NIPAL2: variants seen among roughly 807,000 people sequenced by gnomAD.
The protein encoded by NIPAL2 is NIPA-like protein 2.
Under a neutral mutation model 48.9 loss-of-function variants are expected in NIPAL2, and 43 were observed. The observed-to-expected ratio is 0.88, with a 90% CI of 0.69 to 1.13. The LOEUF is 1.13. NIPAL2 is among the 50% of genes most tolerant of loss of function. The probability of loss-of-function intolerance (pLI) is 0.00; values close to 1 mark genes in which losing one functional copy is unlikely to be tolerated. For synonymous variants in NIPAL2, 167 were observed against 174.6 expected (o/e 0.96, Z 0.34); for missense variants, 446 against 461.4 (o/e 0.97, Z 0.31).
intron 1 of NIPAL2, among the ~76,000 whole-genome samples, chr8:98,261,541 A>C (rs1359195655): frequency 7.3e-6 from 1 of 136,698 alleles, no homozygotes; most frequent in Non-Finnish European, 1.6e-5. Flanking sequence ...ATGGAAGATG[A>C]AATGAATGAA....
chr8:98,206,091 GC>G (rs1276742800), intron 6 of NIPAL2, among the ~76,000 whole-genome samples: 1 of 152,122 alleles, frequency 6.6e-6, no homozygotes, highest in Non-Finnish European at 1.5e-5. Flanking sequence ...AGAAAAGAAT[GC>G]TTTCTGTCTT....
intron 3 of NIPAL2, among the ~76,000 whole-genome samples, chr8:98,240,825 C>T (rs998197350): frequency 5.9e-5 from 9 of 152,176 alleles, no homozygotes; most frequent in Admixed American, 1.3e-4. Flanking sequence ...ACAATACTGC[C>T]TAGGTGGCCG....
Position 98,274,419 on chromosome 8 carries a change from C to A in NIPAL2, c.135+19584G>T, listed in dbSNP as rs114645418. ...TATTAAAAATCTACCACAAATATGG[C>A]TTTAGACTTTTTTTCCTTTTAAATC... On this transcript the variant is annotated intron_variant, in intron 1 of 10. Transcript: ENST00000430223. Among the ~76,000 whole-genome samples the A allele has an allele frequency of 3.2e-3, 489 of 152,012 alleles. 1 individual carries two copies. Among genetic ancestry groups the A allele is most frequent in the African/African-American group, 0.011 (456 of 41,540 alleles).
rs752021685 is a variant in NIPAL2 at position 98,252,552 on chromosome 8, A to G, written c.287T>C (p.Leu96Pro). The change falls in exon 3 of 11, where the codon CTG (leucine) becomes CCG (proline). Residue 96 changes from leucine to proline, a missense_variant. Leu to Pro is a moderately conservative substitution (Grantham distance 98). Coordinates refer to ENST00000430223, the MANE Select transcript of NIPAL2 (RefSeq NM_001321635.2). Reference sequence around the variant, plus strand: ...GTTCCCCGTCTCTCCCACGGCCATCAGCAGGACACCACCCCACCACAGCAC... The same window carrying G: ...GTTCCCCGTCTCTCCCACGGCCATCGGCAGGACACCACCCCACCACAGCAC... ...KSVLWWGGVLLMAVGETGNFA... is the reference protein window; with the variant it reads ...KSVLWWGGVLPMAVGETGNFA... The G allele has an allele frequency of 1.6e-5, 26 of 1,614,122 alleles. No homozygotes were observed. The highest frequency in any genetic ancestry group is 2.1e-5 in the Non-Finnish European group (25 of 1,180,020).
chr8:98,247,395 A>T (rs923360719), intron 3 of NIPAL2, among the ~76,000 whole-genome samples: 1 of 152,190 alleles, frequency 6.6e-6, no homozygotes, highest in Admixed American at 6.5e-5. Flanking sequence ...GAGGAAGGAC[A>T]TGAAACAGGT....
chr8:98,259,070 CT>C (rs869220202), intron 1 of NIPAL2, among the ~76,000 whole-genome samples: 55 of 41,870 alleles, frequency 1.3e-3, no homozygotes, highest in East Asian at 4.3e-3. Context: ...TTAAATATTC[CT>C]TTTTTTTTTT....
chr8:98,253,901 T>G (rs953933816), intron 2 of NIPAL2, 118 bp downstream of exon 2: 2 of 593,630 alleles, frequency 3.4e-6, no homozygotes, highest in Non-Finnish European at 5.8e-6. Flanking sequence ...AAAATATATA[T>G]TTTTTATAAT....
At chr8:98,259,161 C>T (rs1329523760) in intron 1 of NIPAL2, among the ~76,000 whole-genome samples, 2 of 140,420 alleles carry the variant, frequency 1.4e-5, no homozygotes, top group African/African-American at 5.3e-5. Context: ...ACTGCAAGCT[C>T]CGCCTCCCGG....
rs572427127 is a variant in NIPAL2, at chr8:98,286,511, C to T, written c.135+7492G>A. Among the ~76,000 whole-genome samples the T allele has an allele frequency of 1.3e-4, 20 of 152,166 alleles. No individual in the cohort carries two copies. The South Asian group carries it at 2.5e-3, about 19-fold the overall frequency. ...ACCTCCTGATATGTGCCAAAGATGG[C>T]AAGATACCTTGTTGAGGCTAGGCAT... On this transcript the variant is annotated intron_variant, in intron 1 of 10. Transcript: ENST00000430223.
chr8:98,291,120 A>T (rs964300092), intron 1 of NIPAL2, among the ~76,000 whole-genome samples: 1 of 152,114 alleles, frequency 6.6e-6, no homozygotes. Context: ...AAAATCTTCA[A>T]TGGCTCCCCA....
chr8:98,222,500 T>A lies in NIPAL2; in HGVS notation c.537A>T (p.Gly179=), dbSNP rs1406104962. ...TTACCACATAGATCAGGAACTGCCA[T>A]CCGACAAGGTAATACTGTACTGTTC... is the stretch of plus-strand genomic sequence containing the variant. ...SARTVQYYLV[G]WQFLIYVILE... Residue 179 remains glycine (G), a synonymous_variant, in exon 5 of 11, where the codon GGA becomes GGT. Transcript: ENST00000430223. 3 of 1,613,480 alleles carry A rather than the reference T, an allele frequency of 1.9e-6. No individual in the cohort carries two copies. Among genetic ancestry groups the A allele is most frequent in the African/African-American group, 2.7e-5 (2 of 74,914 alleles).
At chr8:98,199,978 A>G (rs7833247) in intron 8 of NIPAL2, among the ~76,000 whole-genome samples, 71,911 of 151,674 alleles carry the variant, frequency 0.47, 17,227 homozygotes, top group South Asian at 0.61. Flanking sequence ...TTTAGAGATA[A>G]GGTCCTGCTC....
chr8:98,260,712 G>A (rs543521332), intron 1 of NIPAL2, among the ~76,000 whole-genome samples: 3 of 152,320 alleles, frequency 2.0e-5, no homozygotes, highest in South Asian at 4.1e-4. Context: ...AGGGGTGCCC[G>A]CCATTGCCCA....
rs1810299218 is a variant in NIPAL2, at chr8:98,191,364, C to T, written c.*1614G>A. On this transcript the variant is annotated 3_prime_UTR_variant, in exon 11 of 11. Coordinates refer to ENST00000430223, the MANE Select transcript of NIPAL2 (RefSeq NM_001321635.2). The stretch of plus-strand genomic sequence containing the variant: ...ACACCATAAATTATGACTGCTTTAT[C>T]TGAATGCATGGGACACTTGCTACGA... The T allele has an allele frequency of 6.6e-6, 1 of 152,190 alleles. No homozygotes were observed. The highest frequency in any genetic ancestry group is 2.1e-4 in the South Asian group (1 of 4,832). 9.4% of individuals were successfully genotyped at this position (152,190 alleles called of 1,614,324 possible). A position where few individuals can be genotyped will look rare whatever the true frequency, so the allele number is the denominator to read the frequency against.
intron 2 of NIPAL2, 146 bp from the exon 3 acceptor site, chr8:98,252,780 G>A: frequency 1.4e-6 from 1 of 699,072 alleles, no homozygotes; most frequent in Non-Finnish European, 2.2e-6. Flanking sequence ...CATTTTTGGG[G>A]AATTATTGAA....
chr8:98,193,226 A>T (rs1311658179), intron 10 of NIPAL2, 136 bp from the exon 11 acceptor site: 9 of 1,044,294 alleles, frequency 8.6e-6, no homozygotes, highest in Middle Eastern at 4.2e-4. Context: ...AGAAGAGATG[A>T]ATATCAAGGA....
chr8:98,291,776 G>A (rs768244164), intron 1 of NIPAL2, among the ~76,000 whole-genome samples: 39 of 152,252 alleles, frequency 2.6e-4, no homozygotes, highest in South Asian at 6.2e-4. Context: ...AGCACACAGC[G>A]TCTGAGTAGT....
intron 4 of NIPAL2, among the ~76,000 whole-genome samples, chr8:98,229,038 A>C (rs963979101): frequency 6.6e-6 from 1 of 152,210 alleles, no homozygotes; most frequent in Non-Finnish European, 1.5e-5. Context: ...AGGGGACATA[A>C]AACAGCAGCC....
chr8:98,232,643 T>G (rs1399426731), intron 4 of NIPAL2, among the ~76,000 whole-genome samples: 2 of 152,170 alleles, frequency 1.3e-5, no homozygotes, highest in Non-Finnish European at 2.9e-5. Flanking sequence ...TTTATATAAC[T>G]TGGCAAAGGT....
Sources: allele counts gnomAD v4.1 joint callset (sites outside exome capture counted in the v4.1 genomes callset), GRCh38; gene constraint gnomAD v4.1.1; transcripts MANE v1.5; gene names NCBI Gene and HGNC (gene_info 2026-07-23, HGNC 2026-07-21).